EPSTI1: variants seen among roughly 807,000 people sequenced by gnomAD.
The protein encoded by EPSTI1 is epithelial stromal interaction 1.
EPSTI1 carries 66 observed loss-of-function variants against 49.9 expected under a neutral mutation model. That is an observed-to-expected ratio of 1.32 (90% CI 1.08 to 1.62). The LOEUF (loss-of-function observed/expected upper bound fraction) is 1.62, where lower values mean the gene tolerates loss of function less well. Among genes scored for constraint, EPSTI1 ranks in the 40% most tolerant of loss-of-function variants. The pLI, the probability that EPSTI1 is intolerant of heterozygous loss-of-function variation, is 0.00. For missense variants in EPSTI1, 394 were observed against 365.5 expected, an observed-to-expected ratio of 1.08 and a Z score of -0.64; for synonymous variants, 137 against 130.7, an observed-to-expected ratio of 1.05 and a Z score of -0.33.
In EPSTI1 at chr13:42,926,322, A is replaced by G. The variant is rs1566123851; in HGVS notation, c.657+14T>C. The G allele has an allele frequency of 6.6e-7, 1 of 1,516,498 alleles. No homozygotes were observed. Among genetic ancestry groups the G allele is most frequent in the Non-Finnish European group, 9.2e-7 (1 of 1,090,740 alleles). 93.9% of individuals were successfully genotyped at this position (1,516,498 alleles called of 1,614,324 possible). On this transcript the variant is annotated intron_variant, in intron 7 of 10. Transcript: ENST00000313624. Reference sequence around the variant, plus strand: ...AAATGTGCCAGGCAGCACCCTGCAAAGTAATTCACTTACCCATGTTGAGGA... The same window carrying G: ...AAATGTGCCAGGCAGCACCCTGCAAGGTAATTCACTTACCCATGTTGAGGA...
intron 3 of EPSTI1, among the ~76,000 whole-genome samples, chr13:42,964,856 T>C (rs2039560272): frequency 6.6e-6 from 1 of 152,226 alleles, no homozygotes. Flanking sequence ...TTCTCAGTGT[T>C]TATGCAAGCT....
intron 10 of EPSTI1, among the ~76,000 whole-genome samples, chr13:42,890,701 G>GATCTT (rs1319495030): frequency 7.2e-5 from 11 of 151,894 alleles, no homozygotes; most frequent in Non-Finnish European, 1.5e-5. Flanking sequence ...TTTACATATT[G>GATCTT]ATCTTATATC....
chr13:42,961,557 C>A (rs907552295), intron 5 of EPSTI1, among the ~76,000 whole-genome samples: 35 of 152,330 alleles, frequency 2.3e-4, no homozygotes, highest in African/African-American at 7.9e-4. Context: ...GCCCCACTGA[C>A]ATGACTGGAT....
At position 42,973,519 on chromosome 13, in the gene EPSTI1, C is replaced by CTTCTAT. The variant is rs1405678007; in HGVS notation, c.189-2855_189-2850dup. 2.6e-5 allele frequency among the ~76,000 whole-genome samples: 4 copies of CTTCTAT among 152,246 alleles called. No homozygotes were observed. The East Asian group carries it at 7.7e-4, about 29-fold the overall frequency. ...GCCAAGTAAATGGTAAGGAACTTAG[C>CTTCTAT]TTCTATTTCTATTTCTTAATATAAG... On this transcript the variant is annotated intron_variant, in intron 1 of 10. Transcript: ENST00000313624.
chr13:42,970,676 A>C lies in EPSTI1; in HGVS notation c.189-6T>G. ...TCAAGGTGTATGCACTTGTGCTAAAAGGAAGAGAAAAAAAAATGCTTATTA... is the reference window on the plus strand; with the variant it reads ...TCAAGGTGTATGCACTTGTGCTAAACGGAAGAGAAAAAAAAATGCTTATTA... On this transcript the variant is annotated splice_region_variant and splice_polypyrimidine_tract_variant and intron_variant, in intron 1 of 10. Coordinates refer to ENST00000313624, the MANE Select transcript of EPSTI1 (RefSeq NM_033255.5). The C allele has an allele frequency of 6.3e-7, 1 of 1,586,394 alleles. No individual in the cohort carries two copies.
At chr13:42,890,481 G>A (rs1366906125) in intron 10 of EPSTI1, among the ~76,000 whole-genome samples, 2 of 151,908 alleles carry the variant, frequency 1.3e-5, no homozygotes, top group East Asian at 3.9e-4. Context: ...TGTGTTTTTA[G>A]TAGAGACGGG....
At chr13:42,930,368 A>G (rs1436521922) in intron 6 of EPSTI1, among the ~76,000 whole-genome samples, 1 of 152,236 alleles carries the variant, frequency 6.6e-6, no homozygotes, top group Non-Finnish European at 1.5e-5. Context: ...AATATGGGTT[A>G]TAGGACAATC....
At chr13:42,892,332 G>A (rs1435418191) in intron 10 of EPSTI1, among the ~76,000 whole-genome samples, 3 of 152,184 alleles carry the variant, frequency 2.0e-5, no homozygotes, top group African/African-American at 4.8e-5. Context: ...AGTAATTGTG[G>A]GAGTAAGGAA....
At chr13:42,911,579 C>G (rs146559286) in intron 8 of EPSTI1, among the ~76,000 whole-genome samples, 9 of 152,272 alleles carry the variant, frequency 5.9e-5, no homozygotes, top group African/African-American at 2.2e-4. Flanking sequence ...AAATCATTCA[C>G]TTAATCCAAA....
In EPSTI1 at chr13:42,906,276, CAGA is replaced by C. The variant is rs1397331239; in HGVS notation, c.742-5896_742-5894del. ...TTCTACAGAAGGGTCAACTATACAACAGACAGGTGTGTGTAAAGCTGGATGCTT... is the reference window on the plus strand; with the variant it reads ...TTCTACAGAAGGGTCAACTATACAACCAGGTGTGTGTAAAGCTGGATGCTT... On this transcript the variant is annotated intron_variant, in intron 8 of 10. Transcript: ENST00000313624. Among the ~76,000 whole-genome samples, 3 of 137,326 alleles carry C rather than the reference CAGA, an allele frequency of 2.2e-5. No homozygotes were observed. The South Asian group carries it at 6.5e-4, about 30-fold the overall frequency. The allele number at this position is 137,326 out of a possible 152,430, so 90.1% of individuals were successfully genotyped here.
intron 1 of EPSTI1, among the ~76,000 whole-genome samples, chr13:42,986,405 G>GAACCA (rs71651017): frequency 8.8e-5 from 3 of 33,938 alleles, no homozygotes; most frequent in Non-Finnish European, 3.9e-4. Flanking sequence ...GCTAGCTTAA[G>GAACCA]AGACTGGTAG....
chr13:42,910,754 T>TA (rs930487872), intron 8 of EPSTI1, among the ~76,000 whole-genome samples: 12 of 152,272 alleles, frequency 7.9e-5, no homozygotes, highest in South Asian at 4.2e-4. Context: ...TTTTTTTAGT[T>TA]AAAAAAATAA....
chr13:42,986,781 G>T (rs2040091517), intron 1 of EPSTI1, among the ~76,000 whole-genome samples: 2 of 141,938 alleles, frequency 1.4e-5, no homozygotes, highest in Admixed American at 7.1e-5. Flanking sequence ...ACAACTTGCA[G>T]CCCCATCTCA....
intron 8 of EPSTI1, among the ~76,000 whole-genome samples, chr13:42,913,360 G>A (rs937252687): frequency 6.6e-6 from 1 of 152,002 alleles, no homozygotes; most frequent in Admixed American, 6.6e-5. Context: ...TTAAAGAAAT[G>A]TCATGTAAAT....
chr13:42,967,666 CT>C (rs1314904498), intron 3 of EPSTI1, among the ~76,000 whole-genome samples: 2 of 152,200 alleles, frequency 1.3e-5, no homozygotes, highest in East Asian at 3.8e-4. Context: ...AGGAAATCGT[CT>C]GTATCAGGGA....
At chr13:42,979,584 C>CAAAAA (rs144646467) in intron 1 of EPSTI1, among the ~76,000 whole-genome samples, 6 of 80,856 alleles carry the variant, frequency 7.4e-5, no homozygotes, top group East Asian at 3.2e-4. Flanking sequence ...GACTCCGTCT[C>CAAAAA]AAAAAAAAAA....
intron 7 of EPSTI1, among the ~76,000 whole-genome samples, chr13:42,921,541 C>T (rs191766876): frequency 1.3e-5 from 2 of 152,178 alleles, no homozygotes; most frequent in East Asian, 3.9e-4. Context: ...AGAAATGAGG[C>T]CCAGAAATCA....
intron 6 of EPSTI1, among the ~76,000 whole-genome samples, chr13:42,940,162 T>A (rs2038705749): frequency 1.3e-5 from 2 of 152,346 alleles, no homozygotes; most frequent in South Asian, 4.1e-4. Flanking sequence ...CTTCGTCATC[T>A]CTTTTTTTCA....
intron 1 of EPSTI1, among the ~76,000 whole-genome samples, chr13:42,976,696 G>A (rs1449531954): frequency 1.3e-5 from 2 of 152,104 alleles, no homozygotes; most frequent in Admixed American, 1.3e-4. Context: ...TCCAAAATCT[G>A]TACATAGAAC....
Sources: gnomAD v4.1 joint callset for allele counts (sites outside exome capture counted in the v4.1 genomes callset) on GRCh38, gnomAD v4.1.1 for gene constraint, MANE v1.5 for transcripts, NCBI Gene and HGNC (gene_info 2026-07-23, HGNC 2026-07-21) for gene names.